AGBL1: variants seen among roughly 807,000 people sequenced by gnomAD.
AGBL1 encodes AGBL carboxypeptidase 1.
Under a neutral mutation model 118.9 loss-of-function variants are expected in AGBL1, and 130 were observed. The ratio of observed to expected loss-of-function variants is 1.09; its 90% confidence interval spans 0.95 to 1.26. The LOEUF is 1.26. Among genes scored for constraint, AGBL1 ranks in the 50% most tolerant of loss-of-function variants. AGBL1 has a pLI of 0.00. For missense variants in AGBL1, 1,584 were observed against 1,298.1 expected (o/e 1.22, Z -3.38); for synonymous variants, 555 against 478.9 (o/e 1.16, Z -2.08).
At chr15:86,805,475 C>T (rs1391819955) in intron 22 of AGBL1, among the ~76,000 whole-genome samples, 1 of 152,118 alleles carries the variant, frequency 6.6e-6, no homozygotes, top group Non-Finnish European at 1.5e-5. Flanking sequence ...TCTGCTGAGC[C>T]TTCCAACAAG....
chr15:86,389,482 A>G (rs749793141), intron 17 of AGBL1, among the ~76,000 whole-genome samples: 3 of 152,184 alleles, frequency 2.0e-5, no homozygotes, highest in Non-Finnish European at 2.9e-5. Flanking sequence ...TCAGAAGTGC[A>G]TATGTTCACT....
intron 18 of AGBL1, among the ~76,000 whole-genome samples, chr15:86,471,831 C>A (rs933942992): frequency 4.6e-5 from 7 of 152,166 alleles, no homozygotes; most frequent in African/African-American, 1.4e-4. Flanking sequence ...AAGATATTGG[C>A]ATGTCTTGAC....
chr15:86,341,015 G>A (rs1273201854), intron 17 of AGBL1, among the ~76,000 whole-genome samples: 1 of 152,214 alleles, frequency 6.6e-6, no homozygotes, highest in Non-Finnish European at 1.5e-5. Flanking sequence ...CCCCAGTGGG[G>A]AGCAGGGCTA....
intron 17 of AGBL1, among the ~76,000 whole-genome samples, chr15:86,322,823 T>G (rs2080123956): frequency 6.6e-6 from 1 of 152,218 alleles, no homozygotes; most frequent in South Asian, 2.1e-4. Context: ...ACATGGATAC[T>G]TTCCCAGAGT....
intron 23 of AGBL1, among the ~76,000 whole-genome samples, chr15:86,932,466 A>C (rs1476340267): frequency 1.3e-5 from 2 of 152,212 alleles, no homozygotes; most frequent in African/African-American, 2.4e-5. Flanking sequence ...CCTGTTTCAA[A>C]GGGTGCGTGG....
intron 23 of AGBL1, among the ~76,000 whole-genome samples, chr15:86,955,302 C>G (rs950211023): frequency 2.0e-5 from 3 of 151,890 alleles, no homozygotes; most frequent in Non-Finnish European, 2.9e-5. Flanking sequence ...AAAATTGAAT[C>G]ATAGAATCAC....
intron 18 of AGBL1, among the ~76,000 whole-genome samples, chr15:86,453,415 A>C (rs1181291464): frequency 6.6e-6 from 1 of 152,218 alleles, no homozygotes; most frequent in Admixed American, 6.5e-5. Flanking sequence ...AAAATACATC[A>C]TGTCTAACAT....
At chr15:86,129,627 G>C (rs1280163746) in intron 1 of AGBL1, among the ~76,000 whole-genome samples, 1 of 152,170 alleles carries the variant, frequency 6.6e-6, no homozygotes, top group Non-Finnish European at 1.5e-5. Context: ...GTCACAACTG[G>C]GGCTGAGAGT....
chr15:86,930,127 T>C (rs1453239197), intron 23 of AGBL1, among the ~76,000 whole-genome samples: 1 of 152,210 alleles, frequency 6.6e-6, no homozygotes, highest in East Asian at 1.9e-4. Context: ...AATATTATCG[T>C]CAATGGCTCA....
Position 86,716,763 on chromosome 15 carries a change from T to A in AGBL1, c.3158+42327T>A, listed in dbSNP as rs1010808148. 7.2e-5 allele frequency among the ~76,000 whole-genome samples: 11 copies of A among 152,220 alleles called. 1 individual carries two copies. Among genetic ancestry groups the A allele is most frequent in the Admixed American group, 7.2e-4 (11 of 15,280 alleles). ...TTGGAATAGATGCATAAACCAAATT[T>A]ATTTTACTCAACAAATTGTTAAATT... On this transcript the variant is annotated intron_variant, in intron 22 of 22. Transcript: ENST00000614907.
At chr15:86,120,417 T>C (rs926017746) in intron 1 of AGBL1, among the ~76,000 whole-genome samples, 3 of 152,214 alleles carry the variant, frequency 2.0e-5, no homozygotes, top group African/African-American at 7.2e-5. Context: ...AGTGAAAAGA[T>C]GGTGTCCCCT....
At chr15:86,700,512 A>C (rs11635512) in intron 22 of AGBL1, among the ~76,000 whole-genome samples, 3,110 of 39,386 alleles carry the variant, frequency 0.079, 42 homozygotes, top group East Asian at 0.22. Flanking sequence ...CACACACACA[A>C]AATCTCTCTT....
At chr15:86,578,542 G>C (rs2084128002) in intron 21 of AGBL1, among the ~76,000 whole-genome samples, 1 of 152,216 alleles carries the variant, frequency 6.6e-6, no homozygotes, top group African/African-American at 2.4e-5. Flanking sequence ...GAGGACATGA[G>C]ATTTGGGAGG....
chr15:86,496,945 G>A (rs947537286), intron 18 of AGBL1, among the ~76,000 whole-genome samples: 4 of 151,986 alleles, frequency 2.6e-5, no homozygotes, highest in Admixed American at 1.3e-4. Context: ...TGTACGACAT[G>A]ATGTTTTGAT....
At chr15:86,791,029 CAAGT>C (rs1387575471) in intron 22 of AGBL1, among the ~76,000 whole-genome samples, 5 of 152,112 alleles carry the variant, frequency 3.3e-5, no homozygotes, top group African/African-American at 1.2e-4. Context: ...AGATGATCAA[CAAGT>C]AAGAGATAGC....
rs1234958405 is a variant in AGBL1 at position 86,913,021 on chromosome 15, A to G, written c.*5727A>G. 6.6e-6 allele frequency: 1 copy of G among 152,214 alleles called. No individual in the cohort carries two copies. Among genetic ancestry groups the G allele is most frequent in the Non-Finnish European group, 1.5e-5 (1 of 68,050 alleles). The allele number at this position is 152,214 out of a possible 1,614,324, so 9.4% of individuals were successfully genotyped here. A position where few individuals can be genotyped will look rare whatever the true frequency, so the allele number is the denominator to read the frequency against. On this transcript the variant is annotated 3_prime_UTR_variant, in exon 23 of 23. Transcript: ENST00000614907. ...ATGCTTGATAAAAAGTGTTCTTTAG[A>G]AAAGAAAAAATAGAGTGGTAAAAGG...
chr15:86,900,342 T>A (rs16978072), intron 22 of AGBL1, among the ~76,000 whole-genome samples: 3 of 152,144 alleles, frequency 2.0e-5, no homozygotes, highest in Non-Finnish European at 4.4e-5. Context: ...CGTATGTTTC[T>A]TACTTTTCCT....
At chr15:87,020,092 A>ATAAG (rs2081648398) in intron 24 of AGBL1, among the ~76,000 whole-genome samples, 1 of 152,084 alleles carries the variant, frequency 6.6e-6, no homozygotes. Context: ...GAGACCAATA[A>ATAAG]TAAGTTCTGA....
chr15:86,599,997 G>T (rs893676108), intron 21 of AGBL1, among the ~76,000 whole-genome samples: 1 of 151,958 alleles, frequency 6.6e-6, no homozygotes, highest in African/African-American at 2.4e-5. Flanking sequence ...ACTTAAATTG[G>T]CAGTACATTT....
Sources: allele counts gnomAD v4.1 joint callset (sites outside exome capture counted in the v4.1 genomes callset), GRCh38; gene constraint gnomAD v4.1.1; transcripts MANE v1.5; gene names NCBI Gene and HGNC (gene_info 2026-07-23, HGNC 2026-07-21).